BANF2: variants seen among roughly 807,000 people sequenced by gnomAD.
BANF2 encodes barrier-to-autointegration factor-like protein.
Under a neutral mutation model 8.0 loss-of-function variants are expected in BANF2, and 4 were observed. The ratio of observed to expected loss-of-function variants is 0.50; its 90% CI spans 0.25 to 1.14. The LOEUF (loss-of-function observed/expected upper bound fraction) is 1.14, where lower values mean the gene tolerates loss of function less well. Ranked by LOEUF, BANF2 falls within the 50% of genes most tolerant of loss-of-function variation. The pLI, the probability that BANF2 is intolerant of heterozygous loss-of-function variation, is 0.16. For missense variants in BANF2, 96 were observed against 107.5 expected (o/e 0.89, Z 0.47); for synonymous variants, 50 against 40.6 (o/e 1.23, Z -0.88).
intron 2 of BANF2, among the ~76,000 whole-genome samples, chr20:17,723,099 C>A (rs538474858): frequency 2.0e-5 from 3 of 152,254 alleles, no homozygotes; most frequent in East Asian, 3.9e-4. Flanking sequence ...GTATCATAGT[C>A]CCATATTGTA....
At chr20:17,734,747 C>G (rs1317594508) in intron 3 of BANF2, among the ~76,000 whole-genome samples, 2 of 152,168 alleles carry the variant, frequency 1.3e-5, no homozygotes, top group Non-Finnish European at 2.9e-5. Context: ...GACAGCCCCC[C>G]ATAACATTTC....
intron 1 of BANF2, among the ~76,000 whole-genome samples, chr20:17,707,682 T>C (rs911992837): frequency 3.9e-5 from 6 of 151,932 alleles, no homozygotes; most frequent in Non-Finnish European, 7.4e-5. Flanking sequence ...TGGGTTTAAG[T>C]GATTCTCCTG....
At chr20:17,704,997 C>T (rs1222769913) in intron 1 of BANF2, among the ~76,000 whole-genome samples, 4 of 152,250 alleles carry the variant, frequency 2.6e-5, no homozygotes, top group East Asian at 3.9e-4. Flanking sequence ...CAGCTGAGGT[C>T]GCGTGTCCAC....
chr20:17,722,354 C>T (rs984870113), intron 1 of BANF2, among the ~76,000 whole-genome samples: 2 of 152,242 alleles, frequency 1.3e-5, no homozygotes, highest in African/African-American at 4.8e-5. Flanking sequence ...AGATGTTTAA[C>T]TTAACAGATG....
At chr20:17,715,235 C>A (rs2037633648) in intron 1 of BANF2, among the ~76,000 whole-genome samples, 1 of 152,306 alleles carries the variant, frequency 6.6e-6, no homozygotes, top group Admixed American at 6.5e-5. Context: ...AAAGGTGAGC[C>A]CTGCCTTTGG....
intron 3 of BANF2, among the ~76,000 whole-genome samples, chr20:17,726,781 GGTT>G (rs2037814698): frequency 6.6e-6 from 1 of 152,134 alleles, no homozygotes; most frequent in Non-Finnish European, 1.5e-5. Context: ...GGGGTTTTGT[GGTT>G]GTTGTTCAGC....
At chr20:17,729,510 G>T (rs1385110106) in intron 3 of BANF2, among the ~76,000 whole-genome samples, 1 of 152,186 alleles carries the variant, frequency 6.6e-6, no homozygotes, top group Non-Finnish European at 1.5e-5. Context: ...GCCAGGTCAG[G>T]CAGATCACTT....
At chr20:17,728,982 G>T (rs2037853269) in intron 3 of BANF2, among the ~76,000 whole-genome samples, 1 of 152,208 alleles carries the variant, frequency 6.6e-6, no homozygotes, top group Admixed American at 6.5e-5. Flanking sequence ...TTGGAAATAT[G>T]AGAGAAAATA....
intron 3 of BANF2, 108 bp from the exon 4 acceptor site, chr20:17,735,557 C>T (rs1218229021): frequency 1.5e-6 from 2 of 1,326,620 alleles, no homozygotes; most frequent in Non-Finnish European, 2.1e-6. Flanking sequence ...GCCCTGCTCC[C>T]CCTCCTTTGA....
At chr20:17,714,197 CAAAAA>C (rs11375517) in intron 1 of BANF2, among the ~76,000 whole-genome samples, 1 of 75,318 alleles carries the variant, frequency 1.3e-5, no homozygotes, top group Non-Finnish European at 2.5e-5. Context: ...GAGACTCTGT[CAAAAA>C]AAAAAAAAAA....
intron 1 of BANF2, among the ~76,000 whole-genome samples, chr20:17,708,500 G>A (rs1382263546): frequency 5.3e-5 from 8 of 152,174 alleles, no homozygotes; most frequent in Non-Finnish European, 1.2e-4. Context: ...CCAGTCACAT[G>A]GGACCCACAT....
chr20:17,702,354 C>T (rs956812651), intron 1 of BANF2, among the ~76,000 whole-genome samples: 8 of 152,200 alleles, frequency 5.3e-5, no homozygotes, highest in East Asian at 1.9e-4. Flanking sequence ...CAAGATGGAG[C>T]GATGTCTATA....
chr20:17,705,051 G>C (rs576745171), intron 1 of BANF2, among the ~76,000 whole-genome samples: 1 of 129,248 alleles, frequency 7.7e-6, no homozygotes, highest in East Asian at 2.0e-4. Flanking sequence ...TACCTCATTG[G>C]CCAGGCCTGG....
chr20:17,718,853 T>C (rs2037690664), intron 1 of BANF2, among the ~76,000 whole-genome samples: 1 of 152,222 alleles, frequency 6.6e-6, no homozygotes, highest in Non-Finnish European at 1.5e-5. Flanking sequence ...CCTGCCGATG[T>C]GTCCTCCCCA....
intron 1 of BANF2, among the ~76,000 whole-genome samples, chr20:17,694,229 A>T (rs2037323447): frequency 6.6e-6 from 1 of 152,202 alleles, no homozygotes; most frequent in Non-Finnish European, 1.5e-5. Flanking sequence ...CAAAACCAAG[A>T]CAATTTCAAG....
chr20:17,694,752 A>T (rs2122554092), intron 1 of BANF2, among the ~76,000 whole-genome samples: 1 of 151,278 alleles, frequency 6.6e-6, no homozygotes, highest in South Asian at 2.1e-4. Context: ...CCAAGTAGCT[A>T]GAAATAGAGG....
intron 1 of BANF2, among the ~76,000 whole-genome samples, chr20:17,705,064 A>G (rs964031611): frequency 8.0e-6 from 1 of 125,508 alleles, no homozygotes; most frequent in Non-Finnish European, 1.7e-5. Flanking sequence ...AGGCCTGGTC[A>G]TGTGTGTTGT....
rs1256251082 is a variant in BANF2, at chr20:17,694,599, C to CTTTTTTTTTTTTTTTTTTTTTTTT, written c.18+894_18+895insTTTTTTTTTTTTTTTTTTTTTTTT. Among the ~76,000 whole-genome samples the CTTTTTTTTTTTTTTTTTTTTTTTT allele has an allele frequency of 1.4e-4, 12 of 82,776 alleles. 2 individuals are homozygous for CTTTTTTTTTTTTTTTTTTTTTTTT. The highest frequency in any genetic ancestry group is 1.6e-4 in the Admixed American group (1 of 6,420). 54.3% of individuals were successfully genotyped at this position (82,776 alleles called of 152,430 possible). ...AGGGGGCTATTTTTGTTTTTTCTCT[C>CTTTTTTTTTTTTTTTTTTTTTTTT]TCTTTTTTTTTTTTTTTTTTTTTTT... On this transcript the variant is annotated intron_variant, in intron 1 of 2. Coordinates refer to the BANF2 transcript ENST00000545418.
At chr20:17,732,179 G>T (rs543392949) in intron 3 of BANF2, among the ~76,000 whole-genome samples, 1 of 152,244 alleles carries the variant, frequency 6.6e-6, no homozygotes, top group Non-Finnish European at 1.5e-5. Context: ...AGCACCAGGC[G>T]CTGTGTGAAA....
Sources: allele counts gnomAD v4.1 joint callset (sites outside exome capture counted in the v4.1 genomes callset), GRCh38; gene constraint gnomAD v4.1.1; transcripts MANE v1.5; gene names NCBI Gene and HGNC (gene_info 2026-07-23, HGNC 2026-07-21).